Variants in FNIP1 observed in about 807,000 individuals in gnomAD.
The protein encoded by FNIP1 is folliculin interacting protein 1.
In FNIP1, 40 loss-of-function variants were observed where a neutral mutation model predicts 124.5. That is an observed-to-expected ratio of 0.32 (90% CI 0.25 to 0.42). FNIP1 has a LOEUF of 0.42. Ranked by LOEUF, FNIP1 falls within the 10% of genes least tolerant of loss-of-function variation. FNIP1 has a pLI of 1.00. For missense variants in FNIP1, 1,176 were observed against 1,403.7 expected (o/e 0.84, Z 2.59); for synonymous variants, 472 against 470.6 (o/e 1.00, Z -0.04).
chr5:131,677,819 G>A lies in FNIP1; in HGVS notation c.1403C>T (p.Pro468Leu), dbSNP rs1767955109. ...AVLTNHLAWVPTVMPNGQPPI... is the reference protein window; with the variant it reads ...AVLTNHLAWVLTVMPNGQPPI... ...TGGTTGTCCATTTGGCATGACTGTT[G>A]GAACCCAGGCAAGATGATTGGTCAG... Residue 468 changes from proline to leucine, a missense_variant, in exon 13 of 18, where the codon CCA becomes CTA. Physicochemically the swap from Pro to Leu is moderately conservative, Grantham distance 98. This residue lies in a region of FNIP1 where 1,109 missense variants were observed against 1,288.5 expected (regional missense o/e 0.86). Coordinates refer to ENST00000510461, the MANE Select transcript of FNIP1 (RefSeq NM_133372.3). 1.9e-6 allele frequency: 3 copies of A among 1,613,958 alleles called. No individual in the cohort carries two copies. Among genetic ancestry groups the A allele is most frequent in the African/African-American group, 2.7e-5 (2 of 74,906 alleles).
At chr5:131,647,247 T>A (rs1324339486) in intron 16 of FNIP1, 42 bp from the exon 17 acceptor site, 2 of 1,470,766 alleles carry the variant, frequency 1.4e-6, no homozygotes, top group Non-Finnish European at 1.9e-6. Context: ...AGAAAACAGT[T>A]TGCAACTCTC....
intron 3 of FNIP1, among the ~76,000 whole-genome samples, chr5:131,726,732 C>T (rs2149547372): frequency 6.6e-6 from 1 of 152,254 alleles, no homozygotes; most frequent in South Asian, 2.1e-4. Flanking sequence ...TTTTGCTTCT[C>T]TGGTTCTTTT....
chr5:131,726,065 G>A (rs1329135241), intron 3 of FNIP1, among the ~76,000 whole-genome samples: 1 of 152,124 alleles, frequency 6.6e-6, no homozygotes. Flanking sequence ...TGGTGGATAG[G>A]CTTTTTGGTG....
chr5:131,786,720 T>C (rs558766827), intron 1 of FNIP1, among the ~76,000 whole-genome samples: 2 of 152,320 alleles, frequency 1.3e-5, no homozygotes, highest in East Asian at 3.9e-4. Flanking sequence ...GTGGGTTTGT[T>C]ATAAAAGTGA....
intron 8 of FNIP1, among the ~76,000 whole-genome samples, chr5:131,708,386 A>C (rs1769184348): frequency 6.6e-6 from 1 of 152,208 alleles, no homozygotes; most frequent in South Asian, 2.1e-4. Flanking sequence ...ATCTAACAGT[A>C]ATTCAAGCCT....
chr5:131,669,194 A>C (rs1360757426), intron 15 of FNIP1, among the ~76,000 whole-genome samples: 7 of 152,218 alleles, frequency 4.6e-5, no homozygotes, highest in Non-Finnish European at 1.0e-4. Context: ...AAAGGTGAAG[A>C]AATTAAATTA....
chr5:131,698,145 G>A (rs762270288), intron 11 of FNIP1, among the ~76,000 whole-genome samples: 4 of 151,990 alleles, frequency 2.6e-5, no homozygotes, highest in South Asian at 4.2e-4. Flanking sequence ...GGTCAAAAAC[G>A]CTAATGCACT....
chr5:131,722,657 C>G (rs891952646), intron 3 of FNIP1, among the ~76,000 whole-genome samples: 1 of 152,116 alleles, frequency 6.6e-6, no homozygotes, highest in Admixed American at 6.6e-5. Context: ...AGTAGCAACA[C>G]ATTTTTTAAT....
At chr5:131,658,907 CAAAAAAAAAAA>C (rs70974003) in intron 15 of FNIP1, among the ~76,000 whole-genome samples, 14 of 41,160 alleles carry the variant, frequency 3.4e-4, no homozygotes, top group East Asian at 8.8e-4. Context: ...TGGGTCTAGC[CAAAAAAAAAAA>C]AAAAAAAAAA....
chr5:131,740,792 G>A (rs1241133707), intron 2 of FNIP1, among the ~76,000 whole-genome samples: 1 of 152,178 alleles, frequency 6.6e-6, no homozygotes, highest in Non-Finnish European at 1.5e-5. Context: ...GGAGATAGGA[G>A]GTTGGCACAA....
At chr5:131,669,907 T>C (rs72791123) in intron 15 of FNIP1, among the ~76,000 whole-genome samples, 4,057 of 126,580 alleles carry the variant, frequency 0.032, 84 homozygotes, top group Non-Finnish European at 0.045. Context: ...TTCTAGCCAG[T>C]ACAATGAGTC....
intron 1 of FNIP1, among the ~76,000 whole-genome samples, chr5:131,753,033 C>T (rs1303391513): frequency 3.9e-5 from 6 of 152,308 alleles, no homozygotes; most frequent in South Asian, 2.1e-4. Context: ...GATTGCATCA[C>T]TGCACTCCAG....
intron 16 of FNIP1, among the ~76,000 whole-genome samples, 159 bp downstream of exon 16, chr5:131,651,643 C>G (rs1561637070): frequency 6.6e-6 from 1 of 152,188 alleles, no homozygotes; most frequent in Non-Finnish European, 1.5e-5. Context: ...CCCAAAGATC[C>G]TATCTCCAAA....
chr5:131,777,800 A>G (rs1771861460), intron 1 of FNIP1, among the ~76,000 whole-genome samples: 1 of 152,226 alleles, frequency 6.6e-6, no homozygotes, highest in Non-Finnish European at 1.5e-5. Context: ...CAACATTAGC[A>G]CTAATTAAAA....
At chr5:131,792,161 T>TG (rs2149591633) in intron 1 of FNIP1, among the ~76,000 whole-genome samples, 1 of 107,310 alleles carries the variant, frequency 9.3e-6, no homozygotes, top group East Asian at 2.0e-4. Flanking sequence ...TAACTGGCAC[T>TG]TTTTTTTTTT....
intron 13 of FNIP1, among the ~76,000 whole-genome samples, chr5:131,676,121 A>G (rs1767904668): frequency 1.3e-5 from 2 of 150,718 alleles, no homozygotes. Context: ...TCCTGGGTTC[A>G]CACCATTCTC....
chr5:131,790,355 T>C (rs1772365177), intron 1 of FNIP1, among the ~76,000 whole-genome samples: 1 of 151,966 alleles, frequency 6.6e-6, no homozygotes, highest in Admixed American at 6.6e-5. Context: ...GCCCACACCT[T>C]GCAGTCCCAG....
At chr5:131,665,958 G>A (rs1242562607) in intron 15 of FNIP1, among the ~76,000 whole-genome samples, 1 of 143,548 alleles carries the variant, frequency 7.0e-6, no homozygotes, top group Admixed American at 7.3e-5. Flanking sequence ...CTGGAGTGCA[G>A]TGGCGTGATC....
chr5:131,736,421 T>C (rs770324876), intron 2 of FNIP1, among the ~76,000 whole-genome samples: 1 of 152,214 alleles, frequency 6.6e-6, no homozygotes, highest in Admixed American at 6.5e-5. Context: ...GCTTGACTTA[T>C]CCACTATCAC....
Sources: gnomAD v4.1 joint callset for allele counts (sites outside exome capture counted in the v4.1 genomes callset) on GRCh38, gnomAD v4.1.1 for gene constraint, gnomAD v4.1.1 regional missense constraint, MANE v1.5 for transcripts, NCBI Gene and HGNC (gene_info 2026-07-23, HGNC 2026-07-21) for gene names.